NT5DC1: variants seen among roughly 807,000 people sequenced by gnomAD.
NT5DC1 encodes 5'-nucleotidase domain containing 1, also known as 5'-nucleotidase domain-containing protein 1.
A neutral mutation model predicts 59.4 loss-of-function variants in NT5DC1; 42 were observed. That is an observed-to-expected ratio of 0.71 (90% CI 0.55 to 0.92). The LOEUF (loss-of-function observed/expected upper bound fraction) is 0.92. NT5DC1 is among the 40% of genes least tolerant of loss of function. NT5DC1 has a pLI of 0.00. For missense variants in NT5DC1, 501 were observed against 537.1 expected (o/e 0.93, Z 0.66); for synonymous variants, 172 against 188.1 (o/e 0.91, Z 0.70).
At chr6:116,236,280 C>G (rs1202114562) in intron 8 of NT5DC1, among the ~76,000 whole-genome samples, 1 of 152,204 alleles carries the variant, frequency 6.6e-6, no homozygotes, top group Non-Finnish European at 1.5e-5. Context: ...AATCATCATG[C>G]TGGTAGGCAG....
intron 10 of NT5DC1, 116 bp downstream of exon 10, chr6:116,238,464 TAAAAAAAA>T (rs56266433): frequency 5.3e-4 from 136 of 257,742 alleles, no homozygotes; most frequent in African/African-American, 2.7e-3. Flanking sequence ...ACCATCATGT[TAAAAAAAA>T]AAAAAAAAAA....
At position 116,110,865 on chromosome 6, in the gene NT5DC1, C is replaced by T; in HGVS notation, c.273C>T (p.Thr91=). Residue 91 remains threonine, a synonymous_variant, in exon 4 of 12, where the codon ACC becomes ACT. Coordinates refer to ENST00000319550, the MANE Select transcript of NT5DC1 (RefSeq NM_152729.3). ...TCAAAATCAGGGCAAGCCATGGCAC[C>T]AAGATGATGACTCCAGAGGTGCTGG... is the stretch of plus-strand genomic sequence containing the variant. ...NGTVLRASHG[T]KMMTPEVLAE... 6.2e-7 allele frequency: 1 copy of T among 1,613,750 alleles called. No individual in the cohort carries two copies. Among genetic ancestry groups the T allele is most frequent in the Non-Finnish European group, 8.5e-7 (1 of 1,179,594 alleles).
intron 6 of NT5DC1, among the ~76,000 whole-genome samples, chr6:116,148,843 C>T (rs1779962653): frequency 6.6e-6 from 1 of 151,960 alleles, no homozygotes; most frequent in Admixed American, 6.6e-5. Context: ...AAAAGTAAAG[C>T]ATAACAGGGA....
intron 6 of NT5DC1, among the ~76,000 whole-genome samples, chr6:116,202,417 A>G (rs1350828821): frequency 2.0e-5 from 3 of 152,028 alleles, no homozygotes; most frequent in African/African-American, 4.8e-5. Context: ...TTTGTTCGCC[A>G]TACTCTTTTT....
At chr6:116,120,856 G>GA in intron 6 of NT5DC1, 1 of 1,613,986 alleles carries the variant, frequency 6.2e-7, no homozygotes, top group Non-Finnish European at 8.5e-7. Flanking sequence ...CAGGGCCTGG[G>GA]AGACCAGGAG....
At chr6:116,101,120 G>C (rs1293379954) in intron 1 of NT5DC1, 97 bp downstream of exon 1, 3 of 854,170 alleles carry the variant, frequency 3.5e-6, no homozygotes, top group Non-Finnish European at 5.2e-6. Flanking sequence ...ACGCTGCCCG[G>C]GGCCTGCGGC....
chr6:116,234,347 G>T (rs1782076372), intron 8 of NT5DC1, among the ~76,000 whole-genome samples: 1 of 152,018 alleles, frequency 6.6e-6, no homozygotes, highest in African/African-American at 2.4e-5. Context: ...TGGGGTGGGG[G>T]TTGTTTGTTT....
At chr6:116,110,228 A>G (rs1778846415) in intron 3 of NT5DC1, among the ~76,000 whole-genome samples, 1 of 152,218 alleles carries the variant, frequency 6.6e-6, no homozygotes, top group Non-Finnish European at 1.5e-5. Flanking sequence ...GATTCTCTTA[A>G]CTGGACAAAA....
chr6:116,112,236 G>T (rs1778892477), intron 4 of NT5DC1, among the ~76,000 whole-genome samples: 1 of 152,096 alleles, frequency 6.6e-6, no homozygotes, highest in Admixed American at 6.5e-5. Flanking sequence ...TCCCATCCAG[G>T]TACCCAGTGG....
intron 1 of NT5DC1, among the ~76,000 whole-genome samples, chr6:116,103,757 AG>A: frequency 6.6e-6 from 1 of 152,186 alleles, no homozygotes; most frequent in African/African-American, 2.4e-5. Context: ...ATGAGGCCTC[AG>A]GAAAGGCATT....
chr6:116,241,939 CA>C (rs1280732737), intron 11 of NT5DC1, among the ~76,000 whole-genome samples: 7 of 12,030 alleles, frequency 5.8e-4, no homozygotes, highest in African/African-American at 1.5e-3. Context: ...AAAAAAAAAA[CA>C]AAACAAAAAA....
At chr6:116,216,597 G>A (rs898614250) in intron 6 of NT5DC1, among the ~76,000 whole-genome samples, 33 of 151,588 alleles carry the variant, frequency 2.2e-4, no homozygotes, top group African/African-American at 7.5e-4. Flanking sequence ...ATTATGTTTA[G>A]CATATAGATT....
At chr6:116,110,216 A>G (rs529614954) in intron 3 of NT5DC1, among the ~76,000 whole-genome samples, 5 of 152,366 alleles carry the variant, frequency 3.3e-5, no homozygotes, top group Non-Finnish European at 4.4e-5. Context: ...TCTGTAGCAT[A>G]GGATTCTCTT....
At chr6:116,111,322 C>T (rs1438931330) in intron 4 of NT5DC1, among the ~76,000 whole-genome samples, 2 of 152,166 alleles carry the variant, frequency 1.3e-5, no homozygotes, top group Non-Finnish European at 2.9e-5. Context: ...TTCACATTAC[C>T]TACCACTCCT....
In NT5DC1 at chr6:116,221,135, G is replaced by A. The variant is rs772521713; in HGVS notation, c.611G>A (p.Trp204Ter). Reference sequence around the variant, plus strand: ...AGTTGTCCTGAATCTGTGAAAAAATGGCTTCGACAGCTAAAGAATGCTGGG... The same window carrying A: ...AGTTGTCCTGAATCTGTGAAAAAATAGCTTCGACAGCTAAAGAATGCTGGG... ...LHSCPESVKK[W>*]LRQLKNAGKI... The change falls in exon 7 of 12, where the codon TGG becomes TAG. Residue 204 changes from tryptophan (W) to a stop codon, truncating the protein, a stop_gained. Coordinates refer to ENST00000319550, the MANE Select transcript of NT5DC1 (RefSeq NM_152729.3). LOFTEE classifies it high-confidence loss of function. The A allele has an allele frequency of 1.6e-5, 25 of 1,576,844 alleles. No homozygotes were observed. Among genetic ancestry groups the A allele is most frequent in the Non-Finnish European group, 2.0e-5 (23 of 1,147,064 alleles).
At chr6:116,191,734 G>A (rs1781121475) in intron 6 of NT5DC1, among the ~76,000 whole-genome samples, 1 of 151,890 alleles carries the variant, frequency 6.6e-6, no homozygotes, top group Non-Finnish European at 1.5e-5. Context: ...TAAGTTTCTA[G>A]GATTACTATC....
At chr6:116,121,476 A>G (rs1779124119) in intron 6 of NT5DC1, 5 of 1,613,892 alleles carry the variant, frequency 3.1e-6, no homozygotes, top group Non-Finnish European at 4.2e-6. Flanking sequence ...GGAGGGCCAG[A>G]TGGTCCTGTG....
intron 3 of NT5DC1, 40 bp downstream of exon 3, chr6:116,108,475 C>T: frequency 2.6e-6 from 3 of 1,149,900 alleles, no homozygotes; most frequent in Non-Finnish European, 4.0e-6. Context: ...TTTACCTTCT[C>T]TGAGACACTT....
At chr6:116,223,671 TA>T (rs1781853997) in intron 8 of NT5DC1, among the ~76,000 whole-genome samples, 1 of 152,180 alleles carries the variant, frequency 6.6e-6, no homozygotes, top group African/African-American at 2.4e-5. Context: ...CATAAATGAA[TA>T]AAAAGAAGAG....
Sources: gnomAD v4.1 joint callset for allele counts (sites outside exome capture counted in the v4.1 genomes callset) on GRCh38, gnomAD v4.1.1 for gene constraint, MANE v1.5 for transcripts, NCBI Gene and HGNC (gene_info 2026-07-23, HGNC 2026-07-21) for gene names.